The following TMEM45A variants were observed in gnomAD, a reference collection of about 807,000 sequenced individuals.
The protein encoded by TMEM45A is DNA polymerase-transactivated protein 4.
A neutral mutation model predicts 32.0 loss-of-function variants in TMEM45A; 25 were observed. The observed-to-expected ratio is 0.78, with a 90% CI of 0.57 to 1.09. The LOEUF (loss-of-function observed/expected upper bound fraction) is 1.09. Ranked by LOEUF, TMEM45A falls within the 50% of genes least tolerant of loss-of-function variation. The pLI, the probability that TMEM45A is intolerant of heterozygous loss-of-function variation, is 0.00. For synonymous variants in TMEM45A, 122 were observed against 114.8 expected (o/e 1.06, Z -0.40); for missense variants, 302 against 325.0 (o/e 0.93, Z 0.54).
At chr3:100,513,405 G>T (rs1355689923) in intron 1 of TMEM45A, among the ~76,000 whole-genome samples, 1 of 150,318 alleles carries the variant, frequency 6.7e-6, no homozygotes, top group African/African-American at 2.5e-5. Flanking sequence ...TGCAGAAAAG[G>T]CCTTTGACAA....
intron 1 of TMEM45A, among the ~76,000 whole-genome samples, chr3:100,499,057 G>A (rs1359286399): frequency 4.0e-5 from 6 of 151,460 alleles, no homozygotes; most frequent in East Asian, 1.9e-4. Context: ...TTTTTTTTTC[G>A]TGTGTTGTAG....
At chr3:100,536,362 G>T (rs1279740741) in intron 1 of TMEM45A, among the ~76,000 whole-genome samples, 1 of 152,204 alleles carries the variant, frequency 6.6e-6, no homozygotes, top group Non-Finnish European at 1.5e-5. Context: ...CCCACTTGGT[G>T]TAGCCACTGC....
chr3:100,526,884 C>A (rs1476883863), intron 1 of TMEM45A, among the ~76,000 whole-genome samples: 1 of 152,120 alleles, frequency 6.6e-6, no homozygotes, highest in South Asian at 2.1e-4. Context: ...TCAAGGTTGG[C>A]TTTTATATTT....
chr3:100,558,449 A>T lies in TMEM45A; in HGVS notation c.448A>T (p.Ile150Phe). The change falls in exon 4 of 6, where the codon ATC (isoleucine) becomes TTC (phenylalanine). Residue 150 changes from isoleucine (I) to phenylalanine (F), a missense_variant. Coordinates refer to ENST00000323523, the MANE Select transcript of TMEM45A (RefSeq NM_018004.3). ...CACTCATGGCCGGGAAATGCTGGAC[A>T]TCTTTGTGCACCAGCTGCTGGTTTT... Reference protein sequence around the residue: ...NHTHGREMLDIFVHQLLVLVV... With the variant: ...NHTHGREMLDFFVHQLLVLVV... 6.2e-7 allele frequency: 1 copy of T among 1,613,998 alleles called. No homozygotes were observed. Among genetic ancestry groups the T allele is most frequent in the South Asian group, 1.1e-5 (1 of 91,074 alleles).
intron 1 of TMEM45A, among the ~76,000 whole-genome samples, chr3:100,507,309 G>A (rs1394348807): frequency 6.6e-6 from 1 of 152,148 alleles, no homozygotes; most frequent in Non-Finnish European, 1.5e-5. Context: ...CAGAAATGTG[G>A]CTTTTCTGCA....
chr3:100,503,001 C>G (rs934588917), intron 1 of TMEM45A, among the ~76,000 whole-genome samples: 6 of 151,432 alleles, frequency 4.0e-5, no homozygotes, highest in Non-Finnish European at 8.8e-5. Context: ...TTCTCCTCCT[C>G]CTCCTTCTCC....
rs567438896 is a variant in TMEM45A, at chr3:100,512,164, A to C, written c.-4+19236A>C. Reference sequence around the variant, plus strand: ...AGAACTCTCCACCCCAAATCAACAGAATATACATTTTTTTCAGCACCACAC... The same window carrying C: ...AGAACTCTCCACCCCAAATCAACAGCATATACATTTTTTTCAGCACCACAC... On this transcript the variant is annotated intron_variant, in intron 1 of 5. Transcript: ENST00000323523. 2.6e-5 allele frequency among the ~76,000 whole-genome samples: 4 copies of C among 152,306 alleles called. No homozygotes were observed. The South Asian group carries it at 8.3e-4, about 32-fold the overall frequency.
chr3:100,504,249 TA>T (rs34630359), intron 1 of TMEM45A, among the ~76,000 whole-genome samples: 32,052 of 140,822 alleles, frequency 0.23, 3,748 homozygotes, highest in East Asian at 0.49. Context: ...TATATTTTTA[TA>T]AAAAAAAAAA....
At chr3:100,567,603 A>G (rs1706470846) in intron 4 of TMEM45A, among the ~76,000 whole-genome samples, 1 of 150,210 alleles carries the variant, frequency 6.7e-6, no homozygotes, top group African/African-American at 2.5e-5. Context: ...TGGTATTGCC[A>G]GCTCAACAGT....
chr3:100,501,761 AG>A (rs756205452), intron 1 of TMEM45A, among the ~76,000 whole-genome samples: 8 of 152,154 alleles, frequency 5.3e-5, no homozygotes, highest in Non-Finnish European at 1.0e-4. Flanking sequence ...GTAGTAACAT[AG>A]GTGTTTAGGA....
intron 5 of TMEM45A, 83 bp downstream of exon 5, chr3:100,569,050 A>C: frequency 2.1e-6 from 3 of 1,424,818 alleles, no homozygotes; most frequent in Non-Finnish European, 2.9e-6. Context: ...TTTAAAATTC[A>C]AAAGGGTATT....
At chr3:100,525,134 G>A (rs1195085178) in intron 1 of TMEM45A, among the ~76,000 whole-genome samples, 3 of 151,944 alleles carry the variant, frequency 2.0e-5, no homozygotes, top group Non-Finnish European at 4.4e-5. Context: ...ACTGCAGTGA[G>A]CTATGACTGA....
chr3:100,498,197 G>C (rs1707958760), intron 1 of TMEM45A, among the ~76,000 whole-genome samples: 1 of 152,152 alleles, frequency 6.6e-6, no homozygotes, highest in African/African-American at 2.4e-5. Context: ...ATGATTGTAA[G>C]TTTCCTAAGC....
intron 4 of TMEM45A, among the ~76,000 whole-genome samples, chr3:100,565,345 G>A (rs1706410112): frequency 2.0e-5 from 3 of 152,178 alleles, no homozygotes; most frequent in African/African-American, 7.2e-5. Flanking sequence ...TCCAATTAAA[G>A]GGAATCCTGA....
rs191458497 is a variant in TMEM45A at position 100,499,121 on chromosome 3, A to G, written c.-4+6193A>G. Among the ~76,000 whole-genome samples, 100 of 152,192 alleles carry G rather than the reference A, an allele frequency of 6.6e-4. 3 individuals carry two copies. The East Asian group carries it at 0.018, about 27-fold the overall frequency. On this transcript the variant is annotated intron_variant, in intron 1 of 5. Coordinates refer to ENST00000323523, the MANE Select transcript of TMEM45A (RefSeq NM_018004.3). ...TCCCTATCAGATATATTATTTGCAG[A>G]TATTTTCTTCCATTCTTCGGGTTAC... is the stretch of plus-strand genomic sequence containing the variant.
At chr3:100,551,769 A>T (rs76535117) in intron 1 of TMEM45A, among the ~76,000 whole-genome samples, 1 of 152,166 alleles carries the variant, frequency 6.6e-6, no homozygotes. Flanking sequence ...TTTTGTTTGG[A>T]TCTTTAAACA....
intron 1 of TMEM45A, among the ~76,000 whole-genome samples, chr3:100,545,026 T>G (rs1705956966): frequency 6.6e-6 from 1 of 152,234 alleles, no homozygotes; most frequent in Admixed American, 6.5e-5. Context: ...ATTTAGCCAT[T>G]CTAGTGAGTG....
chr3:100,574,748 A>G (rs1706646672), intron 5 of TMEM45A: 1 of 152,214 alleles, frequency 6.6e-6, no homozygotes, highest in Admixed American at 6.5e-5. Context: ...TGCCAAACAT[A>G]TAGTAGATTC....
At chr3:100,493,420 G>T (rs974308789) in intron 1 of TMEM45A, among the ~76,000 whole-genome samples, 1 of 151,854 alleles carries the variant, frequency 6.6e-6, no homozygotes, top group African/African-American at 2.4e-5. Flanking sequence ...GGTTATGCAG[G>T]TAGTTGCTGG....
Sources: allele counts gnomAD v4.1 joint callset (sites outside exome capture counted in the v4.1 genomes callset), GRCh38; gene constraint gnomAD v4.1.1; transcripts MANE v1.5; gene names NCBI Gene and HGNC (gene_info 2026-07-23, HGNC 2026-07-21).